The following RAET1E variants were observed in gnomAD, a reference collection of about 807,000 sequenced individuals.
RAET1E encodes NKG2D ligand 4.
In RAET1E, 27 loss-of-function variants were observed where a neutral mutation model predicts 21.1. That is an observed-to-expected ratio of 1.28 (90% CI 0.94 to 1.76). RAET1E has a LOEUF of 1.76. Among genes scored for constraint, RAET1E ranks in the 40% most tolerant of loss-of-function variants. The pLI, the probability that RAET1E is intolerant of heterozygous loss-of-function variation, is 0.00. For synonymous variants in RAET1E, 113 were observed against 115.0 expected (o/e 0.98, Z 0.11); for missense variants, 310 against 311.3 (o/e 1.00, Z 0.03).
At position 149,889,951 on chromosome 6, in the gene RAET1E, G is replaced by T; in HGVS notation, c.280C>A (p.Leu94Met). 6.2e-7 allele frequency: 1 copy of T among 1,614,048 alleles called. No individual in the cohort carries two copies. The change falls in exon 4 of 6, where the codon CTG becomes ATG. Residue 94 changes from leucine to methionine, a missense_variant. Physicochemically the swap from Leu to Met is conservative, Grantham distance 15 (BLOSUM62 2). Transcript: ENST00000357183. ...CTGAGGTCTCGCCCCACTTCTCCCA[G>T]CGTTTGGGTCAATTCTCCCCAAGTG... ...TSTWGELTQT[L>M]GEVGRDLRML... is the part of the protein sequence containing the mutation.
chr6:149,884,404 CAG>C lies in RAET1E; in HGVS notation c.*4092_*4093del, dbSNP rs1777519542. On this transcript the variant is annotated 3_prime_UTR_variant, in exon 6 of 6. Transcript: ENST00000357183. ...TTGCAGGCTCCGCCTCCACTTGACT[CAG>C]GGAACACACAGCAGTGGGAGCCAAG... The C allele has an allele frequency of 7.7e-7, 1 of 1,302,196 alleles. No homozygotes were observed. The highest frequency in any genetic ancestry group is 1.5e-5 in the African/African-American group (1 of 68,498). 80.7% of individuals were successfully genotyped at this position (1,302,196 alleles called of 1,614,324 possible).
chr6:149,896,218 G>T (rs1403026500), intron 1 of RAET1E, 186 bp from the exon 2 acceptor site: 3 of 152,144 alleles, frequency 2.0e-5, no homozygotes, highest in Non-Finnish European at 4.4e-5. Flanking sequence ...CAGATGCTAG[G>T]GCCCTTATGA....
At chr6:149,888,998 C>T in intron 5 of RAET1E, 2 of 1,053,418 alleles carry the variant, frequency 1.9e-6, no homozygotes, top group Non-Finnish European at 2.5e-6. Context: ...GTGGGGAAGG[C>T]TTCCTAAGAA....
intron 2 of RAET1E, among the ~76,000 whole-genome samples, chr6:149,894,065 G>A (rs1778017857): frequency 6.6e-6 from 1 of 152,190 alleles, no homozygotes; most frequent in Non-Finnish European, 1.5e-5. Context: ...CTTGATCGTG[G>A]TGGATAAGCT....
chr6:149,897,283 C>T (rs113873581), intron 1 of RAET1E, among the ~76,000 whole-genome samples: 26 of 152,292 alleles, frequency 1.7e-4, no homozygotes, highest in African/African-American at 6.3e-4. Flanking sequence ...AATCCTCCCC[C>T]CTCAGCCTCC....
Position 149,888,478 on chromosome 6 carries a change from T to C in RAET1E, c.*20A>G. ...GCTTGGATGAGACCCATGATTCACCTCTCTTGAGTCCTTACCAGACTAAGA... is the reference window on the plus strand; with the variant it reads ...GCTTGGATGAGACCCATGATTCACCCCTCTTGAGTCCTTACCAGACTAAGA... On this transcript the variant is annotated 3_prime_UTR_variant, in exon 6 of 6. Transcript: ENST00000357183. The C allele has an allele frequency of 6.2e-7, 1 of 1,606,748 alleles. No homozygotes were observed. Among genetic ancestry groups the C allele is most frequent in the Non-Finnish European group, 8.5e-7 (1 of 1,176,438 alleles).
rs9383913 is a variant in RAET1E, at chr6:149,885,880, A to G, written c.*2618T>C. The stretch of plus-strand genomic sequence containing the variant: ...GTAATGTCCTCAAGTAAGCGCATCA[A>G]TTTACTGACATACACCCAATCATAA... On this transcript the variant is annotated 3_prime_UTR_variant, in exon 6 of 6. Transcript: ENST00000357183. Among the ~76,000 whole-genome samples, 67,447 of 152,062 alleles carry G rather than the reference A, an allele frequency of 0.44. 15,658 individuals are homozygous for G. The highest frequency in any genetic ancestry group is 0.88 in the East Asian group (4,573 of 5,178).
chr6:149,892,777 G>A (rs1777960218), intron 2 of RAET1E, among the ~76,000 whole-genome samples: 1 of 152,168 alleles, frequency 6.6e-6, no homozygotes, highest in Non-Finnish European at 1.5e-5. Flanking sequence ...GGAAGTCTTT[G>A]CCCATGCCTA....
chr6:149,889,724 T>C, intron 4 of RAET1E, 101 bp from the exon 5 acceptor site: 1 of 1,517,880 alleles, frequency 6.6e-7, no homozygotes, highest in Non-Finnish European at 9.0e-7. Context: ...TCTGTATTCT[T>C]TCTGCCCAGA....
At chr6:149,895,318 C>T (rs1234431541) in intron 2 of RAET1E, among the ~76,000 whole-genome samples, 1 of 152,236 alleles carries the variant, frequency 6.6e-6, no homozygotes, top group Non-Finnish European at 1.5e-5. Context: ...TCTTCAGAGC[C>T]ATCAGGCGGG....
rs770480881 is a variant in RAET1E, at chr6:149,888,154, C to T, written c.*344G>A. ...ATGCTGCAGCCACAAGCGCCACCAG[C>T]AAGTCTTCTCAGGGTGAACGGGAAA... On this transcript the variant is annotated 3_prime_UTR_variant, in exon 6 of 6. Transcript: ENST00000357183. 7.2e-6 allele frequency: 4 copies of T among 556,088 alleles called. No homozygotes were observed. The highest frequency in any genetic ancestry group is 3.7e-5 in the African/African-American group (2 of 53,742). 34.4% of individuals were successfully genotyped at this position (556,088 alleles called of 1,614,324 possible).
intron 2 of RAET1E, among the ~76,000 whole-genome samples, chr6:149,891,494 G>GTGTGTGTGTGTGTGTGTGTT (rs753961216): frequency 8.5e-5 from 13 of 152,124 alleles, no homozygotes; most frequent in African/African-American, 3.1e-4. Flanking sequence ...TTGTGTGTGT[G>GTGTGTGTGTGTGTGTGTGTT]TGTGTGTGTG....
chr6:149,889,266 G>A (rs1167148682), intron 5 of RAET1E, 82 bp downstream of exon 5: 16 of 1,546,704 alleles, frequency 1.0e-5, no homozygotes, highest in Admixed American at 5.7e-5. Context: ...ATTTTCTATC[G>A]CACACACACA....
In RAET1E at chr6:149,889,358, T is replaced by C. The variant is rs1298815122; in HGVS notation, c.612A>G (p.Pro204=). 1.2e-6 allele frequency: 2 copies of C among 1,614,002 alleles called. No homozygotes were observed. Among genetic ancestry groups the C allele is most frequent in the Non-Finnish European group, 1.7e-6 (2 of 1,180,024 alleles). ...REFLGHWEAM[P]EPTVSPVNAS... is the part of the protein sequence containing the mutation. ...ACCCAGCTCAGTTACCTGTCGGTTC[T>C]GGCATTGCCTCCCAGTGCCCTAAGA... The change falls in exon 5 of 6, where the codon CCA becomes CCG. Residue 204 remains proline, a synonymous_variant. Transcript: ENST00000357183.
intron 2 of RAET1E, among the ~76,000 whole-genome samples, chr6:149,892,857 T>C (rs1777964777): frequency 6.6e-6 from 1 of 152,216 alleles, no homozygotes; most frequent in Non-Finnish European, 1.5e-5. Context: ...TTTAAGTCTT[T>C]GATCCATCTT....
rs1243466734 is a variant in RAET1E, at chr6:149,883,435, T to G, written c.*5063A>C. 6.6e-6 allele frequency: 1 copy of G among 151,798 alleles called. No individual in the cohort carries two copies. The highest frequency in any genetic ancestry group is 1.5e-5 in the Non-Finnish European group (1 of 67,964). The allele number at this position is 151,798 out of a possible 1,614,324, so 9.4% of individuals were successfully genotyped here. Reference sequence around the variant, plus strand: ...ACTTGTGTCTGGGCTCAGTGGCTCATGCTATAATCCCAGCACTTTGAGAGG... The same window carrying G: ...ACTTGTGTCTGGGCTCAGTGGCTCAGGCTATAATCCCAGCACTTTGAGAGG... On this transcript the variant is annotated 3_prime_UTR_variant, in exon 6 of 6. Transcript: ENST00000357183.
rs1254167682 is a variant in RAET1E, at chr6:149,887,101, G to C, written c.*1397C>G. Among the ~76,000 whole-genome samples, 2 of 152,204 alleles carry C rather than the reference G, an allele frequency of 1.3e-5. No individual in the cohort carries two copies. Among genetic ancestry groups the C allele is most frequent in the Non-Finnish European group, 2.9e-5 (2 of 68,038 alleles). On this transcript the variant is annotated 3_prime_UTR_variant, in exon 6 of 6. Transcript: ENST00000357183. The stretch of plus-strand genomic sequence containing the variant: ...ATCCCTGCCTGCTCCTGCCCAGACA[G>C]GAAGCCCTTCAGCAGCCGACTCGGT...
rs748661523 is a variant in RAET1E, at chr6:149,888,681, A to AAG, written c.623-15_623-14insCT. ...TTACTGGTGACACTAAAAAAAAAAAAAAAAAGAAAAAAAAGCACAAGCCCT... is the reference window on the plus strand; with the variant it reads ...TTACTGGTGACACTAAAAAAAAAAAAAGAAAAAGAAAAAAAAGCACAAGCCCT... On this transcript the variant is annotated splice_polypyrimidine_tract_variant and intron_variant, in intron 5 of 5. Coordinates refer to ENST00000357183, the MANE Select transcript of RAET1E (RefSeq NM_001394057.1). The AAG allele has an allele frequency of 1.9e-6, 3 of 1,555,942 alleles. No homozygotes were observed. Among genetic ancestry groups the AAG allele is most frequent in the Non-Finnish European group, 2.6e-6 (3 of 1,163,700 alleles).
chr6:149,889,420 G>C lies in RAET1E; in HGVS notation c.550C>G (p.Leu184Val). 1 of 1,614,184 alleles carries C rather than the reference G, an allele frequency of 6.2e-7. No individual in the cohort carries two copies. The highest frequency in any genetic ancestry group is 8.5e-7 in the Non-Finnish European group (1 of 1,180,040). ...CAGTGATCGCAGTCTCCCTTTGAGA[G>C]CTTCCTGAAATACTTTTCCAGCCCT... ...DRGLEKYFRK[L>V]SKGDCDHWLR... Residue 184 changes from leucine (L) to valine (V), a missense_variant, in exon 5 of 6, where the codon CTC (leucine) becomes GTC (valine). Transcript: ENST00000357183.
Sources: allele counts gnomAD v4.1 joint callset (sites outside exome capture counted in the v4.1 genomes callset), GRCh38; gene constraint gnomAD v4.1.1; transcripts MANE v1.5; gene names NCBI Gene and HGNC (gene_info 2026-07-23, HGNC 2026-07-21).